Variants in ANKS1B observed in about 807,000 individuals in gnomAD.
ANKS1B encodes the protein ankyrin repeat and sterile alpha motif domain containing 1B.
ANKS1B carries 36 observed loss-of-function variants against 148.3 expected under a neutral mutation model. The ratio of observed to expected loss-of-function variants is 0.24; its 90% CI spans 0.19 to 0.32. The LOEUF (loss-of-function observed/expected upper bound fraction) is 0.32, where lower values mean the gene tolerates loss of function less well. ANKS1B is among the 10% of genes least tolerant of loss of function. The pLI is 1.00. For synonymous variants in ANKS1B, 542 were observed against 560.8 expected (o/e 0.97, Z 0.47); for missense variants, 1,157 against 1,542.6 (o/e 0.75, Z 4.19).
chr12:99,641,956 G>A (rs1354152024), intron 9 of ANKS1B, among the ~76,000 whole-genome samples: 5 of 152,126 alleles, frequency 3.3e-5, no homozygotes, highest in Non-Finnish European at 5.9e-5. Context: ...GGGACTATGG[G>A]AAAGTATAAA....
chr12:99,233,526 A>G (rs2087263085), intron 14 of ANKS1B, among the ~76,000 whole-genome samples: 1 of 152,154 alleles, frequency 6.6e-6, no homozygotes, highest in South Asian at 2.1e-4. Flanking sequence ...AATATGAGGC[A>G]TTGAATATAA....
At chr12:99,094,282 C>T (rs1370072495) in intron 15 of ANKS1B, among the ~76,000 whole-genome samples, 3 of 152,072 alleles carry the variant, frequency 2.0e-5, no homozygotes, top group Admixed American at 2.0e-4. Flanking sequence ...TACTATATAC[C>T]AAGTATTTAC....
chr12:99,650,406 A>G (rs1376492674), intron 9 of ANKS1B, among the ~76,000 whole-genome samples: 1 of 95,584 alleles, frequency 1.0e-5, no homozygotes. Context: ...CCATACATGT[A>G]TAATATCTGG....
intron 9 of ANKS1B, among the ~76,000 whole-genome samples, chr12:99,618,941 C>T (rs2098009645): frequency 6.6e-6 from 1 of 152,100 alleles, no homozygotes; most frequent in Non-Finnish European, 1.5e-5. Context: ...CAGTAGTCGG[C>T]ACTGGAATTG....
chr12:99,458,947 G>A (rs2069657875), intron 10 of ANKS1B, among the ~76,000 whole-genome samples: 1 of 151,760 alleles, frequency 6.6e-6, no homozygotes, highest in African/African-American at 2.4e-5. Context: ...AACCAGGAAA[G>A]GACATAACAT....
intron 12 of ANKS1B, among the ~76,000 whole-genome samples, chr12:99,377,252 C>T (rs1256257745): frequency 6.6e-6 from 1 of 151,988 alleles, no homozygotes; most frequent in African/African-American, 2.4e-5. Flanking sequence ...GTGATCTGCC[C>T]GCCTCAGCCT....
intron 8 of ANKS1B, among the ~76,000 whole-genome samples, chr12:99,670,228 T>C (rs559027817): frequency 5.9e-5 from 9 of 152,292 alleles, no homozygotes; most frequent in African/African-American, 2.2e-4. Context: ...TAATATTCTC[T>C]TCCTCCACAC....
intron 8 of ANKS1B, among the ~76,000 whole-genome samples, chr12:99,670,490 A>C (rs1483149024): frequency 6.6e-6 from 1 of 152,108 alleles, no homozygotes; most frequent in Non-Finnish European, 1.5e-5. Flanking sequence ...CAATATTTCA[A>C]ATAAATTTAT....
At chr12:99,031,108 C>T (rs1008620557) in intron 17 of ANKS1B, among the ~76,000 whole-genome samples, 6 of 152,258 alleles carry the variant, frequency 3.9e-5, no homozygotes, top group African/African-American at 1.4e-4. Flanking sequence ...GTGCTACTAA[C>T]GTAAAATGCC....
chr12:99,641,867 A>T (rs1370325235), intron 9 of ANKS1B, among the ~76,000 whole-genome samples: 1 of 152,154 alleles, frequency 6.6e-6, no homozygotes, highest in African/African-American at 2.4e-5. Context: ...CTATTTTTTT[A>T]ATTTTATATC....
At chr12:98,799,822 T>C (rs1446851577) in intron 21 of ANKS1B, among the ~76,000 whole-genome samples, 4 of 152,296 alleles carry the variant, frequency 2.6e-5, no homozygotes, top group Admixed American at 2.6e-4. Flanking sequence ...AGTAGGGTTT[T>C]TGCCTTTTGT....
At chr12:99,768,967 C>T (rs1336248841) in intron 8 of ANKS1B, among the ~76,000 whole-genome samples, 3 of 151,582 alleles carry the variant, frequency 2.0e-5, no homozygotes, top group African/African-American at 4.8e-5. Context: ...CTGCTGGTAC[C>T]TTCATCTTGG....
At chr12:99,082,748 G>A (rs926286292) in intron 16 of ANKS1B, among the ~76,000 whole-genome samples, 2 of 152,020 alleles carry the variant, frequency 1.3e-5, no homozygotes, top group South Asian at 2.1e-4. Context: ...GGTAAGGAGC[G>A]GTTCCATTTT....
chr12:99,534,315 T>C (rs921393065), intron 9 of ANKS1B, among the ~76,000 whole-genome samples: 12 of 152,256 alleles, frequency 7.9e-5, no homozygotes, highest in Non-Finnish European at 1.5e-4. Context: ...CACATAGCAA[T>C]GAATGTTTCT....
intron 1 of ANKS1B, among the ~76,000 whole-genome samples, chr12:99,837,263 T>C (rs369047202): frequency 2.0e-5 from 3 of 152,266 alleles, no homozygotes; most frequent in South Asian, 2.1e-4. Flanking sequence ...AATGCAGCCC[T>C]GCCCACACCT....
chr12:99,266,668 A>G (rs1425705391), intron 12 of ANKS1B, among the ~76,000 whole-genome samples: 1 of 152,112 alleles, frequency 6.6e-6, no homozygotes, highest in African/African-American at 2.4e-5. Context: ...GGGTTATTTA[A>G]TTTATTTTCC....
intron 1 of ANKS1B, among the ~76,000 whole-genome samples, chr12:99,849,584 A>G (rs979649281): frequency 6.6e-6 from 1 of 152,184 alleles, no homozygotes; most frequent in South Asian, 2.1e-4. Context: ...AGCACTGTTC[A>G]TAATAGTGCA....
intron 17 of ANKS1B, among the ~76,000 whole-genome samples, chr12:98,988,668 A>C (rs1199159555): frequency 6.6e-6 from 1 of 152,114 alleles, no homozygotes; most frequent in African/African-American, 2.4e-5. Flanking sequence ...TAATTTTTTG[A>C]GAAACCTCCA....
At chr12:99,639,862 A>G (rs2153417873) in intron 9 of ANKS1B, among the ~76,000 whole-genome samples, 1 of 152,250 alleles carries the variant, frequency 6.6e-6, no homozygotes, top group Admixed American at 6.5e-5. Flanking sequence ...ACTTACTAGA[A>G]CAACCTCTTA....
Sources: gnomAD v4.1 joint callset for allele counts (sites outside exome capture counted in the v4.1 genomes callset) on GRCh38, gnomAD v4.1.1 for gene constraint, MANE v1.5 for transcripts, NCBI Gene and HGNC (gene_info 2026-07-23, HGNC 2026-07-21) for gene names.